MYO16: variants seen among roughly 807,000 people sequenced by gnomAD.
MYO16 encodes the protein unconventional myosin-XVI.
A neutral mutation model predicts 205.3 loss-of-function variants in MYO16; 94 were observed. The ratio of observed to expected loss-of-function variants is 0.46; its 90% CI spans 0.39 to 0.54. The LOEUF is 0.54. Ranked by LOEUF, MYO16 falls within the 20% of genes least tolerant of loss-of-function variation. MYO16 has a pLI of 0.00. For synonymous variants in MYO16, 988 were observed against 954.0 expected (o/e 1.04, Z -0.66); for missense variants, 2,315 against 2,387.5 (o/e 0.97, Z 0.63).
chr13:108,924,661 T>C (rs1296303572), intron 16 of MYO16, among the ~76,000 whole-genome samples: 4 of 152,198 alleles, frequency 2.6e-5, no homozygotes, highest in African/African-American at 4.8e-5. Flanking sequence ...AGTCTCTGTA[T>C]TGCTAGCTAG....
intron 27 of MYO16, among the ~76,000 whole-genome samples, chr13:109,057,496 C>T (rs1887450758): frequency 6.6e-6 from 1 of 151,952 alleles, no homozygotes; most frequent in Non-Finnish European, 1.5e-5. Flanking sequence ...GGATATAATA[C>T]TTCTGGGGGT....
Position 108,785,156 on chromosome 13 carries a change from G to A in MYO16, c.508-479G>A, listed in dbSNP as rs560709096. Reference sequence around the variant, plus strand: ...GGCCTTGATTAAAATGTCGTAGTGTGAGAAGAGCTCCCAGATGAGTTTCTG... The same window carrying A: ...GGCCTTGATTAAAATGTCGTAGTGTAAGAAGAGCTCCCAGATGAGTTTCTG... On this transcript the variant is annotated intron_variant, in intron 4 of 34. Transcript: ENST00000457511. Among the ~76,000 whole-genome samples, 7 of 152,310 alleles carry A rather than the reference G, an allele frequency of 4.6e-5. No homozygotes were observed. In the South Asian group the frequency reaches 1.0e-3, roughly 23 times the overall value.
intron 10 of MYO16, among the ~76,000 whole-genome samples, chr13:108,847,220 T>C (rs1877569198): frequency 6.6e-6 from 1 of 152,224 alleles, no homozygotes; most frequent in Non-Finnish European, 1.5e-5. Context: ...AGGATAACTT[T>C]TCTGTTTTGA....
intron 31 of MYO16, among the ~76,000 whole-genome samples, chr13:109,136,860 A>G (rs1876799944): frequency 6.6e-6 from 1 of 152,182 alleles, no homozygotes; most frequent in Non-Finnish European, 1.5e-5. Context: ...GCAGCAGTCC[A>G]CTTCCAGGTA....
chr13:109,111,636 A>T (rs1889288189), intron 28 of MYO16, among the ~76,000 whole-genome samples: 1 of 152,090 alleles, frequency 6.6e-6, no homozygotes, highest in Non-Finnish European at 1.5e-5. Context: ...TCACAGTAAG[A>T]CCTTTCTCAT....
At chr13:108,869,866 T>C (rs1369106014) in intron 12 of MYO16, among the ~76,000 whole-genome samples, 1 of 151,328 alleles carries the variant, frequency 6.6e-6, no homozygotes, top group East Asian at 1.9e-4. Context: ...CACAATCTTA[T>C]TGCCTGAAAC....
chr13:109,013,935 T>C (rs1157848419), intron 22 of MYO16, among the ~76,000 whole-genome samples: 1 of 152,248 alleles, frequency 6.6e-6, no homozygotes, highest in Non-Finnish European at 1.5e-5. Flanking sequence ...ACTCTGACGG[T>C]AGTTTCTTTT....
In MYO16 at chr13:108,840,996, T is replaced by C. The variant is rs576552936; in HGVS notation, c.1098-3347T>C. 1.1e-4 allele frequency among the ~76,000 whole-genome samples: 17 copies of C among 152,318 alleles called. No homozygotes were observed. The South Asian group carries it at 3.1e-3, about 28-fold the overall frequency. ...AAACTGATTTATCAATTGAATGCAA[T>C]GCTAATCAAAATCACAACAGGTATT... On this transcript the variant is annotated intron_variant, in intron 9 of 34. Transcript: ENST00000457511.
At chr13:108,543,514 C>T in the MYO16 span, among the ~76,000 whole-genome samples, 2 of 151,678 alleles carry the variant, frequency 1.3e-5, no homozygotes, top group African/African-American at 2.4e-5. Flanking sequence ...TGGTGGCGGG[C>T]GCCTGTAGTC....
At chr13:108,537,101 T>C in the MYO16 span, among the ~76,000 whole-genome samples, 2 of 152,084 alleles carry the variant, frequency 1.3e-5, no homozygotes, top group Non-Finnish European at 2.9e-5. Flanking sequence ...AGATGAATAA[T>C]GAACAATGTA....
the MYO16 span, among the ~76,000 whole-genome samples, chr13:108,548,835 T>C: frequency 1.3e-5 from 2 of 152,196 alleles, no homozygotes; most frequent in Non-Finnish European, 2.9e-5. Context: ...CTAGCCTTAC[T>C]AGTAAGAATC....
chr13:109,167,834 GC>G (rs1293190168), intron 33 of MYO16, among the ~76,000 whole-genome samples: 1 of 151,818 alleles, frequency 6.6e-6, no homozygotes, highest in Non-Finnish European at 1.5e-5. Context: ...TAAAATAACT[GC>G]CCCCCAAAAA....
chr13:108,500,578 T>G, the MYO16 span, among the ~76,000 whole-genome samples: 4 of 151,952 alleles, frequency 2.6e-5, no homozygotes, highest in African/African-American at 4.8e-5. Flanking sequence ...CTTCTTCCTT[T>G]CCCTCCCCCA....
intron 1 of MYO16, among the ~76,000 whole-genome samples, chr13:108,607,559 C>G (rs573627264): frequency 1.6e-4 from 24 of 152,264 alleles, no homozygotes; most frequent in Non-Finnish European, 3.1e-4. Flanking sequence ...CCTGAGGCCT[C>G]CCTAGCCATG....
the MYO16 span, among the ~76,000 whole-genome samples, chr13:108,561,341 A>G: frequency 1.4e-4 from 21 of 152,182 alleles, no homozygotes; most frequent in African/African-American, 5.1e-4. Context: ...ACTCTCTTTT[A>G]TTCTCTTGGC....
At chr13:109,154,693 C>G (rs1483631668) in intron 32 of MYO16, among the ~76,000 whole-genome samples, 2 of 152,038 alleles carry the variant, frequency 1.3e-5, no homozygotes, top group South Asian at 2.1e-4. Flanking sequence ...GAGGAGGAAC[C>G]ATTTCCCTCC....
chr13:108,864,503 A>G (rs771992681), intron 11 of MYO16, among the ~76,000 whole-genome samples: 1 of 152,098 alleles, frequency 6.6e-6, no homozygotes, highest in Non-Finnish European at 1.5e-5. Context: ...TAAGGGATAC[A>G]ACATGAGTTT....
At chr13:108,729,512 A>C (rs1884453488) in intron 4 of MYO16, among the ~76,000 whole-genome samples, 1 of 151,900 alleles carries the variant, frequency 6.6e-6, no homozygotes, top group Non-Finnish European at 1.5e-5. Context: ...CTTTTTTTCT[A>C]AATACTTGTT....
intron 33 of MYO16, chr13:109,167,344 A>T (rs1030281944): frequency 3.3e-5 from 5 of 150,124 alleles, no homozygotes; most frequent in African/African-American, 1.2e-4. Flanking sequence ...TGAGCATCAT[A>T]AAAAAAAGGG....
Sources: gnomAD v4.1 joint callset for allele counts (sites outside exome capture counted in the v4.1 genomes callset) on GRCh38, gnomAD v4.1.1 for gene constraint, MANE v1.5 for transcripts, NCBI Gene and HGNC (gene_info 2026-07-23, HGNC 2026-07-21) for gene names.